AGBL1: variants seen among roughly 807,000 people sequenced by gnomAD.
AGBL1 encodes AGBL carboxypeptidase 1.
A neutral mutation model predicts 118.9 loss-of-function variants in AGBL1; 130 were observed. The observed-to-expected ratio is 1.09, with a 90% CI of 0.95 to 1.26. AGBL1 has a LOEUF of 1.26. AGBL1 is among the 50% of genes most tolerant of loss of function. AGBL1 has a pLI of 0.00. For synonymous variants in AGBL1, 555 were observed against 478.9 expected, an observed-to-expected ratio of 1.16 and a Z score of -2.08; for missense variants, 1,584 against 1,298.1, an observed-to-expected ratio of 1.22 and a Z score of -3.38.
intron 22 of AGBL1, among the ~76,000 whole-genome samples, chr15:86,905,246 G>A (rs28463587): frequency 0.012 from 1,834 of 152,270 alleles, 42 homozygotes; most frequent in African/African-American, 0.042. Flanking sequence ...TGAGTGACTA[G>A]AGCCAACTGT....
intron 22 of AGBL1, among the ~76,000 whole-genome samples, chr15:86,844,148 G>A (rs1278810988): frequency 1.3e-5 from 2 of 152,120 alleles, no homozygotes; most frequent in East Asian, 3.9e-4. Context: ...TACAAATTGG[G>A]ATTGTTTACA....
chr15:86,255,507 C>T (rs984959470), intron 7 of AGBL1, among the ~76,000 whole-genome samples: 5 of 152,130 alleles, frequency 3.3e-5, no homozygotes, highest in Non-Finnish European at 5.9e-5. Flanking sequence ...TAAGGCTGGG[C>T]GTGGTAGCTC....
Position 86,159,088 on chromosome 15 carries a change from C to T in AGBL1, c.488+62C>T, listed in dbSNP as rs866273014. On this transcript the variant is annotated intron_variant, in intron 5 of 22. Transcript: ENST00000614907. ...AACAGATGGAGAGATGGAGATTGCC[C>T]TACATGTATTTTCATGATGCTTCCA... is the stretch of plus-strand genomic sequence containing the variant. 9.5e-6 allele frequency: 14 copies of T among 1,471,356 alleles called. No homozygotes were observed. In the African/African-American group the frequency reaches 1.4e-4, roughly 15 times the overall value. 91.1% of individuals were successfully genotyped at this position (1,471,356 alleles called of 1,614,324 possible).
chr15:86,604,581 A>G (rs1480727687), intron 21 of AGBL1, among the ~76,000 whole-genome samples: 2 of 152,118 alleles, frequency 1.3e-5, no homozygotes, highest in South Asian at 2.1e-4. Flanking sequence ...TTCCTGTGCT[A>G]TATTTTCTAT....
At chr15:86,663,542 A>C (rs927347601) in intron 21 of AGBL1, among the ~76,000 whole-genome samples, 1 of 152,134 alleles carries the variant, frequency 6.6e-6, no homozygotes, top group African/African-American at 2.4e-5. Flanking sequence ...TGAGTGCAGG[A>C]AACAGTGGTC....
rs146689039 is a variant in AGBL1, at chr15:86,859,640, C to A, written c.3159-47447C>A. Among the ~76,000 whole-genome samples the A allele has an allele frequency of 5.4e-3, 828 of 152,286 alleles. 3 individuals are homozygous for A. Among genetic ancestry groups the A allele is most frequent in the African/African-American group, 0.019 (773 of 41,554 alleles). On this transcript the variant is annotated intron_variant, in intron 22 of 22. Coordinates refer to ENST00000614907, the MANE Select transcript of AGBL1 (RefSeq NM_001386094.1). Reference sequence around the variant, plus strand: ...ATTCTGTAAGGGTGCCGAGAACACACGGCTTGTCACGAGAGGCTTGACCAG... The same window carrying A: ...ATTCTGTAAGGGTGCCGAGAACACAAGGCTTGTCACGAGAGGCTTGACCAG...
intron 24 of AGBL1, among the ~76,000 whole-genome samples, chr15:87,002,464 CT>C (rs1223097974): frequency 6.6e-6 from 1 of 151,858 alleles, no homozygotes; most frequent in African/African-American, 2.4e-5. Flanking sequence ...AATGTGGGCT[CT>C]TTTTTGGTTC....
rs1469350313 is a variant in AGBL1, at chr15:86,913,487, A to G, written c.*6193A>G. ...GGGTTCAGTATCATTGGTAGAGAAC[A>G]CAGTCTATGAGAGAATTACCAAATG... On this transcript the variant is annotated 3_prime_UTR_variant, in exon 23 of 23. Coordinates refer to ENST00000614907, the MANE Select transcript of AGBL1 (RefSeq NM_001386094.1). 6.6e-6 allele frequency: 1 copy of G among 152,238 alleles called. No individual in the cohort carries two copies. The highest frequency in any genetic ancestry group is 2.4e-5 in the African/African-American group (1 of 41,448). 9.4% of individuals were successfully genotyped at this position (152,238 alleles called of 1,614,324 possible).
intron 18 of AGBL1, among the ~76,000 whole-genome samples, chr15:86,422,833 T>C (rs1450474526): frequency 6.6e-6 from 1 of 152,142 alleles, no homozygotes; most frequent in African/African-American, 2.4e-5. Context: ...GCAAATAAAC[T>C]AGAAAATCTA....
At chr15:86,334,484 T>G (rs1469860090) in intron 17 of AGBL1, among the ~76,000 whole-genome samples, 2 of 152,040 alleles carry the variant, frequency 1.3e-5, no homozygotes, top group African/African-American at 2.4e-5. Flanking sequence ...ACAAGAGAAA[T>G]GCAAAGTACT....
chr15:86,767,523 T>C (rs2078112984), intron 22 of AGBL1, among the ~76,000 whole-genome samples: 1 of 151,944 alleles, frequency 6.6e-6, no homozygotes, highest in African/African-American at 2.4e-5. Context: ...GTAGCAAATA[T>C]TTCAGAGGCA....
At chr15:86,099,074 C>A (rs1200440878) in intron 1 of AGBL1, among the ~76,000 whole-genome samples, 1 of 152,004 alleles carries the variant, frequency 6.6e-6, no homozygotes. Context: ...TGGCACACAG[C>A]AAAAGTTGTG....
rs1166765016 is a variant in AGBL1 at position 86,266,452 on chromosome 15, G to A, written c.1746G>A (p.Glu582=). ...ATAAAGTTGTCTTCAGTTTAGATGA[G>A]CCTTGGTAGGTAGTCTCGTGCATCT... ...VINKVVFSLD[E]PWPLQDNASN... Residue 582 remains glutamate, a synonymous_variant, in exon 12 of 23, where the codon GAG becomes GAA. Transcript: ENST00000614907. 6.4e-7 allele frequency: 1 copy of A among 1,562,600 alleles called. No homozygotes were observed. Among genetic ancestry groups the A allele is most frequent in the Non-Finnish European group, 8.7e-7 (1 of 1,150,936 alleles).
At chr15:86,243,203 A>G (rs2078666715) in intron 6 of AGBL1, among the ~76,000 whole-genome samples, 1 of 152,230 alleles carries the variant, frequency 6.6e-6, no homozygotes, top group African/African-American at 2.4e-5. Context: ...TTAAAACTAC[A>G]GAAAACTCTA....
At chr15:86,337,814 A>C (rs975169014) in intron 17 of AGBL1, among the ~76,000 whole-genome samples, 1 of 152,238 alleles carries the variant, frequency 6.6e-6, no homozygotes, top group African/African-American at 2.4e-5. Context: ...GCACATGTTT[A>C]CCTGTGTAAC....
chr15:86,548,219 A>G (rs2083612549), intron 20 of AGBL1, among the ~76,000 whole-genome samples: 1 of 152,190 alleles, frequency 6.6e-6, no homozygotes, highest in South Asian at 2.1e-4. Context: ...TGATTCCTTC[A>G]TTACCATCAA....
At chr15:86,508,907 G>A (rs140505717) in intron 18 of AGBL1, among the ~76,000 whole-genome samples, 190 of 152,224 alleles carry the variant, frequency 1.2e-3, no homozygotes, top group African/African-American at 4.3e-3. Context: ...GAGTACATAC[G>A]AAGCATTTTG....
chr15:86,091,517 G>A (rs1279363581), intron 1 of AGBL1, among the ~76,000 whole-genome samples: 1 of 152,168 alleles, frequency 6.6e-6, no homozygotes, highest in Admixed American at 6.5e-5. Flanking sequence ...TTATGCCTAG[G>A]CCTATGAAGT....
intron 17 of AGBL1, among the ~76,000 whole-genome samples, chr15:86,349,615 T>G (rs180936227): frequency 6.6e-6 from 1 of 152,334 alleles, no homozygotes; most frequent in African/African-American, 2.4e-5. Context: ...AAATGCTTCC[T>G]AAATAAATGA....
Sources: gnomAD v4.1 joint callset for allele counts (sites outside exome capture counted in the v4.1 genomes callset) on GRCh38, gnomAD v4.1.1 for gene constraint, MANE v1.5 for transcripts, NCBI Gene and HGNC (gene_info 2026-07-23, HGNC 2026-07-21) for gene names.